The following MYO16 variants were observed in gnomAD, a reference collection of about 807,000 sequenced individuals.
The protein encoded by MYO16 is myosin XVI.
MYO16 carries 94 observed loss-of-function variants against 205.3 expected under a neutral mutation model. That is an observed-to-expected ratio of 0.46 (90% CI 0.39 to 0.54). The LOEUF is 0.54. MYO16 is among the 20% of genes least tolerant of loss of function. MYO16 has a pLI of 0.00. For missense variants in MYO16, 2,315 were observed against 2,387.5 expected (o/e 0.97, Z 0.63); for synonymous variants, 988 against 954.0 (o/e 1.04, Z -0.66).
intron 21 of MYO16, among the ~76,000 whole-genome samples, chr13:109,000,914 A>G (rs965612448): frequency 6.6e-5 from 10 of 152,082 alleles, no homozygotes; most frequent in African/African-American, 2.4e-4. Flanking sequence ...CAAAGTAGTA[A>G]TTATTTACAT....
Position 108,618,080 on chromosome 13 carries a change from G to A in MYO16, c.-39+21841G>A, listed in dbSNP as rs540117862. Among the ~76,000 whole-genome samples, 353 of 152,194 alleles carry A rather than the reference G, an allele frequency of 2.3e-3. 2 individuals carry two copies. Among genetic ancestry groups the A allele is most frequent in the African/African-American group, 8.0e-3 (334 of 41,522 alleles). On this transcript the variant is annotated intron_variant, in intron 1 of 24. Coordinates refer to the MYO16 transcript ENST00000251041. ...CTTCACTACCATGACTCAATTTCAA[G>A]CCCTCATGCTCTCTCCCCTGGACTA...
At chr13:108,887,593 G>C (rs1455897726) in intron 13 of MYO16, among the ~76,000 whole-genome samples, 1 of 152,134 alleles carries the variant, frequency 6.6e-6, no homozygotes, top group African/African-American at 2.4e-5. Context: ...AGTTAATGAA[G>C]TATGCCTGGG....
chr13:108,504,325 C>T, the MYO16 span, among the ~76,000 whole-genome samples: 560 of 151,318 alleles, frequency 3.7e-3, 3 homozygotes, highest in Non-Finnish European at 5.9e-3. Flanking sequence ...TGGGGTTTTG[C>T]CAAGTTGGCC....
At chr13:108,900,096 A>C (rs932403388) in intron 15 of MYO16, among the ~76,000 whole-genome samples, 6 of 152,200 alleles carry the variant, frequency 3.9e-5, no homozygotes, top group Non-Finnish European at 8.8e-5. Context: ...AGAGAAAATA[A>C]CTGGCTTCTG....
At chr13:108,652,167 ATGTGTGCGCGTG>A (rs1566529672) in intron 1 of MYO16, among the ~76,000 whole-genome samples, 83 of 149,140 alleles carry the variant, frequency 5.6e-4, no homozygotes, top group African/African-American at 2.0e-3. Flanking sequence ...GCGCGCGCGC[ATGTGTGCGCGTG>A]TGTGTGTGTG....
the MYO16 span, among the ~76,000 whole-genome samples, chr13:108,573,749 C>G: frequency 6.6e-6 from 1 of 152,198 alleles, no homozygotes; most frequent in Admixed American, 6.5e-5. Flanking sequence ...CATCCAGATG[C>G]ACTGTTTTCC....
intron 21 of MYO16, among the ~76,000 whole-genome samples, chr13:109,008,423 C>G (rs1885473766): frequency 8.1e-6 from 1 of 122,822 alleles, no homozygotes; most frequent in African/African-American, 3.2e-5. Flanking sequence ...TACTATCTAT[C>G]TTGTGTATGC....
chr13:108,955,394 C>T (rs1010923783), intron 16 of MYO16, among the ~76,000 whole-genome samples: 6 of 152,140 alleles, frequency 3.9e-5, no homozygotes, highest in African/African-American at 9.7e-5. Context: ...CTAGATTGTT[C>T]TTCCACCATC....
intron 31 of MYO16, among the ~76,000 whole-genome samples, chr13:109,136,185 C>T (rs1395004647): frequency 1.3e-5 from 2 of 151,926 alleles, no homozygotes; most frequent in African/African-American, 4.8e-5. Flanking sequence ...CCTCCACCTC[C>T]CAGGATCAAG....
chr13:108,992,474 T>C, intron 21 of MYO16, 26 bp downstream of exon 21: 1 of 1,433,304 alleles, frequency 7.0e-7, no homozygotes, highest in Non-Finnish European at 9.8e-7. Flanking sequence ...TTTAAAATTG[T>C]GTGAACTTGA....
intron 27 of MYO16, among the ~76,000 whole-genome samples, chr13:109,070,360 G>T (rs9301341): frequency 6.6e-6 from 1 of 151,932 alleles, no homozygotes; most frequent in Admixed American, 6.6e-5. Flanking sequence ...TGACCAACAG[G>T]TATTTGTTGA....
chr13:108,799,184 TC>T (rs1356685979), intron 6 of MYO16, among the ~76,000 whole-genome samples: 3 of 152,236 alleles, frequency 2.0e-5, no homozygotes, highest in Non-Finnish European at 2.9e-5. Flanking sequence ...TCACTTTATG[TC>T]ACAAACCAAC....
chr13:108,925,058 G>A (rs936813414), intron 16 of MYO16, among the ~76,000 whole-genome samples: 1 of 152,090 alleles, frequency 6.6e-6, no homozygotes, highest in African/African-American at 2.4e-5. Context: ...TCAGAATTAA[G>A]TACACAGAGT....
At chr13:108,732,416 T>C (rs1037002392) in intron 4 of MYO16, among the ~76,000 whole-genome samples, 6 of 152,126 alleles carry the variant, frequency 3.9e-5, no homozygotes, top group South Asian at 2.1e-4. Context: ...GAACAGAGTA[T>C]TAAGGATGGC....
At chr13:108,613,355 A>T (rs976160707) in intron 1 of MYO16, among the ~76,000 whole-genome samples, 1 of 152,134 alleles carries the variant, frequency 6.6e-6, no homozygotes, top group African/African-American at 2.4e-5. Context: ...ACATTCTAAA[A>T]TTTATCTTTA....
At chr13:109,186,586 G>C (rs1396723334) in intron 34 of MYO16, among the ~76,000 whole-genome samples, 1 of 151,928 alleles carries the variant, frequency 6.6e-6, no homozygotes, top group Non-Finnish European at 1.5e-5. Context: ...ATACATTCTG[G>C]CCAGTGCCTC....
intron 27 of MYO16, among the ~76,000 whole-genome samples, chr13:109,097,589 T>G (rs760638485): frequency 2.0e-5 from 3 of 152,206 alleles, no homozygotes; most frequent in Non-Finnish European, 4.4e-5. Flanking sequence ...AGAAATCACA[T>G]TCTTGTCACC....
intron 23 of MYO16, among the ~76,000 whole-genome samples, chr13:109,023,215 ATATATT>A (rs1886159962): frequency 2.6e-5 from 3 of 114,040 alleles, no homozygotes; most frequent in South Asian, 2.7e-4. Context: ...AAATTTATGT[ATATATT>A]TATATATTAT....
chr13:108,708,898 C>T (rs1430679367), intron 2 of MYO16, among the ~76,000 whole-genome samples: 1 of 152,114 alleles, frequency 6.6e-6, no homozygotes, highest in African/African-American at 2.4e-5. Context: ...ATTAAAGCTA[C>T]TTAGCAAATT....
Sources: allele counts gnomAD v4.1 joint callset (sites outside exome capture counted in the v4.1 genomes callset), GRCh38; gene constraint gnomAD v4.1.1; transcripts MANE v1.5; gene names NCBI Gene and HGNC (gene_info 2026-07-23, HGNC 2026-07-21).